The following SCG5 variants were observed in gnomAD, a reference collection of about 807,000 sequenced individuals.
SCG5 encodes secretogranin V, also known as neuroendocrine protein 7B2.
In SCG5, 18 loss-of-function variants were observed where a neutral mutation model predicts 25.7. The observed-to-expected ratio is 0.70, with a 90% CI of 0.48 to 1.04. The LOEUF (loss-of-function observed/expected upper bound fraction) is 1.04. Among genes scored for constraint, SCG5 ranks in the 50% least tolerant of loss-of-function variants. The pLI, the probability that SCG5 is intolerant of heterozygous loss-of-function variation, is 0.00. For missense variants in SCG5, 206 were observed against 259.8 expected, an observed-to-expected ratio of 0.79 and a Z score of 1.42; for synonymous variants, 101 against 91.7, an observed-to-expected ratio of 1.10 and a Z score of -0.58.
At chr15:32,650,460 C>T (rs1471869290) in intron 2 of SCG5, among the ~76,000 whole-genome samples, 3 of 152,180 alleles carry the variant, frequency 2.0e-5, no homozygotes. Flanking sequence ...TGCTTCAGTG[C>T]ACCATATATT....
At chr15:32,660,727 C>T (rs1181002023) in intron 2 of SCG5, among the ~76,000 whole-genome samples, 1 of 152,184 alleles carries the variant, frequency 6.6e-6, no homozygotes, top group Non-Finnish European at 1.5e-5. Flanking sequence ...CAGGGCAGAC[C>T]CCAAAAGGAG....
chr15:32,665,505 A>G (rs1301078383), intron 2 of SCG5, among the ~76,000 whole-genome samples: 1 of 152,100 alleles, frequency 6.6e-6, no homozygotes, highest in East Asian at 1.9e-4. Flanking sequence ...TTAGGTTTAC[A>G]TTATTGAATT....
chr15:32,694,052 G>A (rs1040225410), intron 5 of SCG5, among the ~76,000 whole-genome samples: 1 of 152,138 alleles, frequency 6.6e-6, no homozygotes, highest in Non-Finnish European at 1.5e-5. Flanking sequence ...GGAGTTTGCA[G>A]TGAGCCGAGA....
At chr15:32,684,205 C>T (rs2054664050) in intron 3 of SCG5, among the ~76,000 whole-genome samples, 1 of 152,178 alleles carries the variant, frequency 6.6e-6, no homozygotes, top group Admixed American at 6.5e-5. Flanking sequence ...ATTTCAATTC[C>T]AGGCCTGGGA....
At position 32,681,331 on chromosome 15, in the gene SCG5, C is replaced by G. The variant is rs575245768; in HGVS notation, c.376+1416C>G. On this transcript the variant is annotated intron_variant, in intron 3 of 5. Transcript: ENST00000300175. ...AAGAAAACAGAAGCTTAGAGAGTAGCTTGCATAAGGTTATCCAGGTAACAA... is the reference window on the plus strand; with the variant it reads ...AAGAAAACAGAAGCTTAGAGAGTAGGTTGCATAAGGTTATCCAGGTAACAA... 2.6e-5 allele frequency among the ~76,000 whole-genome samples: 4 copies of G among 152,200 alleles called. No individual in the cohort carries two copies. The South Asian group carries it at 8.3e-4, about 32-fold the overall frequency.
chr15:32,671,616 T>C (rs12050625), intron 2 of SCG5, among the ~76,000 whole-genome samples: 142,351 of 152,048 alleles, frequency 0.94, 66,711 homozygotes, highest in Non-Finnish European at 0.95. Context: ...GCAGATTGTA[T>C]AGAAGCTGAC....
chr15:32,679,758 C>T lies in SCG5; in HGVS notation c.227-8C>T, dbSNP rs2140570178. 1.2e-6 allele frequency: 2 copies of T among 1,613,718 alleles called. No homozygotes were observed. Among genetic ancestry groups the T allele is most frequent in the Non-Finnish European group, 8.5e-7 (1 of 1,179,712 alleles). On this transcript the variant is annotated splice_region_variant and splice_polypyrimidine_tract_variant and intron_variant, in intron 2 of 5. Coordinates refer to ENST00000300175, the MANE Select transcript of SCG5 (RefSeq NM_001144757.3). The stretch of plus-strand genomic sequence containing the variant: ...CACTGCAATGAACTACTTCTGATTC[C>T]CTCGCAGGTGGAGCTCATGAAGGAC...
intron 2 of SCG5, among the ~76,000 whole-genome samples, chr15:32,674,959 A>G (rs1011786411): frequency 6.6e-6 from 1 of 152,236 alleles, no homozygotes; most frequent in African/African-American, 2.4e-5. Flanking sequence ...CATTCCCTTG[A>G]CAATTACATC....
intron 3 of SCG5, among the ~76,000 whole-genome samples, chr15:32,681,727 G>A (rs1224103655): frequency 6.6e-6 from 1 of 151,562 alleles, no homozygotes; most frequent in Admixed American, 6.6e-5. Context: ...TGGGATTATG[G>A]GTGTGAGCTA....
intron 2 of SCG5, among the ~76,000 whole-genome samples, chr15:32,652,743 TC>T (rs1357930529): frequency 6.6e-6 from 1 of 152,244 alleles, no homozygotes; most frequent in African/African-American, 2.4e-5. Context: ...AAATCTCTTT[TC>T]TTTGCCAGCT....
intron 2 of SCG5, among the ~76,000 whole-genome samples, chr15:32,669,337 A>G (rs1270189577): frequency 6.6e-6 from 1 of 152,174 alleles, no homozygotes. Flanking sequence ...ATATGGAACC[A>G]GATGCTAGAG....
At chr15:32,692,041 C>T (rs1010300117) in intron 5 of SCG5, 37 of 1,332,088 alleles carry the variant, frequency 2.8e-5, no homozygotes, top group Admixed American at 1.1e-4. Flanking sequence ...TTGCTTCCCC[C>T]ATCAGTGTGG....
At chr15:32,650,600 A>AC (rs1439091572) in intron 2 of SCG5, among the ~76,000 whole-genome samples, 1 of 152,212 alleles carries the variant, frequency 6.6e-6, no homozygotes, top group Admixed American at 6.5e-5. Flanking sequence ...GATTCGGAGA[A>AC]CCATGTGCTG....
intron 2 of SCG5, among the ~76,000 whole-genome samples, chr15:32,679,479 G>T (rs977040672): frequency 6.6e-6 from 1 of 151,738 alleles, no homozygotes; most frequent in Non-Finnish European, 1.5e-5. Flanking sequence ...GCAATGACAG[G>T]CATGAGCCAC....
intron 5 of SCG5, among the ~76,000 whole-genome samples, chr15:32,695,880 G>A (rs1301153359): frequency 1.3e-5 from 2 of 152,130 alleles, no homozygotes; most frequent in Non-Finnish European, 2.9e-5. Context: ...GGACTTATGA[G>A]GTGGTTTACT....
chr15:32,655,386 C>T (rs564738724), intron 2 of SCG5, among the ~76,000 whole-genome samples: 79 of 152,262 alleles, frequency 5.2e-4, no homozygotes, highest in African/African-American at 1.7e-3. Flanking sequence ...GGTCCACTTC[C>T]GTGGGACAGT....
chr15:32,658,213 C>A (rs1316002324), intron 2 of SCG5, among the ~76,000 whole-genome samples: 1 of 151,928 alleles, frequency 6.6e-6, no homozygotes, highest in Non-Finnish European at 1.5e-5. Flanking sequence ...GACTCACAGC[C>A]CTTGTTTAAG....
At chr15:32,665,965 A>T (rs1470431358) in intron 2 of SCG5, 1 of 152,200 alleles carries the variant, frequency 6.6e-6, no homozygotes, top group Non-Finnish European at 1.5e-5. Flanking sequence ...GATATTTAGG[A>T]TATGGTTCTA....
At chr15:32,664,215 G>A (rs1394331939) in intron 2 of SCG5, among the ~76,000 whole-genome samples, 1 of 152,136 alleles carries the variant, frequency 6.6e-6, no homozygotes, top group Non-Finnish European at 1.5e-5. Context: ...GGCCCTGAGA[G>A]GTAAAGTTCT....
Sources: gnomAD v4.1 joint callset for allele counts (sites outside exome capture counted in the v4.1 genomes callset) on GRCh38, gnomAD v4.1.1 for gene constraint, MANE v1.5 for transcripts, NCBI Gene and HGNC (gene_info 2026-07-23, HGNC 2026-07-21) for gene names.